Variants in TBCK observed in about 807,000 individuals in gnomAD.
TBCK encodes the protein TBC domain-containing protein kinase-like protein.
Under a neutral mutation model 113.4 loss-of-function variants are expected in TBCK, and 99 were observed. The observed-to-expected ratio is 0.87, with a 90% CI of 0.74 to 1.03. The LOEUF (loss-of-function observed/expected upper bound fraction) is 1.03, where lower values mean the gene tolerates loss of function less well. TBCK is among the 50% of genes least tolerant of loss of function. TBCK has a pLI of 0.00. For synonymous variants in TBCK, 369 were observed against 370.8 expected (o/e 1.00, Z 0.05); for missense variants, 1,045 against 1,061.3 (o/e 0.98, Z 0.21).
chr4:106,057,163 C>T (rs1192698367), intron 25 of TBCK, among the ~76,000 whole-genome samples: 1 of 151,592 alleles, frequency 6.6e-6, no homozygotes, highest in East Asian at 1.9e-4. Context: ...TCCTCACAGC[C>T]TTGTGAGCTT....
At chr4:106,215,423 A>G (rs990095763) in intron 19 of TBCK, among the ~76,000 whole-genome samples, 1 of 152,290 alleles carries the variant, frequency 6.6e-6, no homozygotes, top group Non-Finnish European at 1.5e-5. Context: ...AGACTGGCAA[A>G]TTGGATAAAG....
At chr4:106,203,474 T>C (rs1459888921) in intron 20 of TBCK, among the ~76,000 whole-genome samples, 1 of 151,754 alleles carries the variant, frequency 6.6e-6, no homozygotes, top group African/African-American at 2.4e-5. Flanking sequence ...AAAAAGTAAA[T>C]GGTTAATTTT....
At chr4:106,055,465 T>G (rs1735276426) in intron 25 of TBCK, among the ~76,000 whole-genome samples, 1 of 151,404 alleles carries the variant, frequency 6.6e-6, no homozygotes, top group Non-Finnish European at 1.5e-5. Context: ...TCAAGACAAA[T>G]AAATATTTTT....
intron 22 of TBCK, among the ~76,000 whole-genome samples, chr4:106,187,997 GAGAC>G (rs1753223478): frequency 2.0e-5 from 3 of 152,260 alleles, no homozygotes; most frequent in African/African-American, 7.2e-5. Context: ...CTTGTGAAAA[GAGAC>G]AGTTTGATTT....
At chr4:106,164,101 G>A (rs1750100274) in intron 23 of TBCK, among the ~76,000 whole-genome samples, 1 of 151,960 alleles carries the variant, frequency 6.6e-6, no homozygotes, top group African/African-American at 2.4e-5. Context: ...AACTTCTAGA[G>A]GGCTGATACA....
At chr4:106,131,173 C>T (rs1271575830) in intron 23 of TBCK, among the ~76,000 whole-genome samples, 1 of 152,190 alleles carries the variant, frequency 6.6e-6, no homozygotes, top group East Asian at 1.9e-4. Flanking sequence ...CTCTTGCCTG[C>T]CGCCATGTAA....
rs369776340 is a variant in TBCK at position 106,287,266 on chromosome 4, T to G, written c.266+7828A>C. On this transcript the variant is annotated intron_variant, in intron 3 of 25. Transcript: ENST00000394708. ...TCTACCCCCTATTCTTAGTGTATAA[T>G]CCTTTCTTTTTTCTACCCCAAATAC... 9.2e-5 allele frequency among the ~76,000 whole-genome samples: 14 copies of G among 152,160 alleles called. No individual in the cohort carries two copies. In the East Asian group the frequency reaches 9.6e-4, roughly 10 times the overall value.
chr4:106,136,107 G>A (rs1344996915), intron 23 of TBCK, among the ~76,000 whole-genome samples: 1 of 141,510 alleles, frequency 7.1e-6, no homozygotes, highest in Non-Finnish European at 1.6e-5. Flanking sequence ...ATTGGTAATC[G>A]AGAGCTTTGC....
chr4:106,271,937 G>C (rs1763530830), intron 3 of TBCK, among the ~76,000 whole-genome samples: 1 of 152,034 alleles, frequency 6.6e-6, no homozygotes, highest in South Asian at 2.1e-4. Context: ...ATACTGCTGG[G>C]TTCTACTCCC....
intron 23 of TBCK, among the ~76,000 whole-genome samples, chr4:106,126,587 T>G (rs79150233): frequency 0.031 from 4,647 of 152,260 alleles, 88 homozygotes; most frequent in Non-Finnish European, 0.049. Flanking sequence ...GTTTTCATAT[T>G]TGTATCTCGA....
chr4:106,258,124 T>A (rs1329565056), intron 5 of TBCK, among the ~76,000 whole-genome samples: 5 of 152,088 alleles, frequency 3.3e-5, no homozygotes, highest in African/African-American at 4.8e-5. Flanking sequence ...CTAGAATTGT[T>A]ATTTAATGTA....
Position 106,193,754 on chromosome 4 carries a change from G to A in TBCK, c.1914C>T (p.His638=). 6.3e-7 allele frequency: 1 copy of A among 1,577,294 alleles called. No homozygotes were observed. Among genetic ancestry groups the A allele is most frequent in the Non-Finnish European group, 8.6e-7 (1 of 1,167,300 alleles). ...LTMFTHVFPL[H]KIFHLWDTLL... is the part of the protein sequence containing the mutation. ...AGGTATCCCAGAGGTGGAAAATTTT[G>A]TGTAGTGGAAATACATCTGTAAAAC... Residue 638 remains histidine (H), a synonymous_variant, in exon 22 of 26, where the codon CAC becomes CAT. Transcript: ENST00000394708.
intron 25 of TBCK, among the ~76,000 whole-genome samples, chr4:106,077,993 A>AGAT (rs1296376731): frequency 1.3e-5 from 2 of 152,338 alleles, no homozygotes; most frequent in East Asian, 3.9e-4. Flanking sequence ...ATCAATACTA[A>AGAT]GATCTATTAA....
At chr4:106,190,768 TCTCA>T (rs1353378291) in intron 22 of TBCK, among the ~76,000 whole-genome samples, 1 of 151,088 alleles carries the variant, frequency 6.6e-6, no homozygotes, top group African/African-American at 2.4e-5. Flanking sequence ...GGAGACAGAG[TCTCA>T]CTCTGTTGCC....
intron 3 of TBCK, among the ~76,000 whole-genome samples, chr4:106,277,168 CTAAAAG>C (rs1172120888): frequency 2.6e-5 from 4 of 151,946 alleles, no homozygotes; most frequent in African/African-American, 4.8e-5. Flanking sequence ...GTACAAATGG[CTAAAAG>C]TAAAAGACTA....
chr4:106,275,168 G>A (rs1457485703), intron 3 of TBCK, among the ~76,000 whole-genome samples: 1 of 152,102 alleles, frequency 6.6e-6, no homozygotes, highest in Admixed American at 6.6e-5. Context: ...ATTCATTAAA[G>A]AAGAAAAATC....
chr4:106,176,015 C>T (rs535145676), intron 22 of TBCK, among the ~76,000 whole-genome samples: 1 of 152,094 alleles, frequency 6.6e-6, no homozygotes, highest in Non-Finnish European at 1.5e-5. Flanking sequence ...GGTTTTTCTA[C>T]TTTACTGTTA....
chr4:106,266,070 A>G (rs1176320805), intron 3 of TBCK, among the ~76,000 whole-genome samples: 1 of 151,576 alleles, frequency 6.6e-6, no homozygotes, highest in Non-Finnish European at 1.5e-5. Flanking sequence ...AACATCTTCA[A>G]AAAATAAACT....
intron 3 of TBCK, among the ~76,000 whole-genome samples, chr4:106,276,335 G>C (rs932157361): frequency 6.6e-6 from 1 of 152,088 alleles, no homozygotes; most frequent in East Asian, 1.9e-4. Flanking sequence ...TCATGACTTC[G>C]GAGTAGGCAA....
Sources: allele counts gnomAD v4.1 joint callset (sites outside exome capture counted in the v4.1 genomes callset), GRCh38; gene constraint gnomAD v4.1.1; transcripts MANE v1.5; gene names NCBI Gene and HGNC (gene_info 2026-07-23, HGNC 2026-07-21).